Variants in THNSL2 observed in about 807,000 individuals in gnomAD.
THNSL2 encodes the protein threonine synthase-like 2.
A neutral mutation model predicts 40.0 loss-of-function variants in THNSL2; 34 were observed. The observed-to-expected ratio is 0.85, with a 90% CI of 0.65 to 1.13. The LOEUF is 1.13. THNSL2 is among the 50% of genes most tolerant of loss of function. THNSL2 has a pLI of 0.00. For synonymous variants in THNSL2, 241 were observed against 247.5 expected, an observed-to-expected ratio of 0.97 and a Z score of 0.25; for missense variants, 537 against 608.8, an observed-to-expected ratio of 0.88 and a Z score of 1.24.
rs775485495 is a variant in THNSL2 at position 88,173,133 on chromosome 2, C to T, written c.-12-6C>T. On this transcript the variant is annotated splice_polypyrimidine_tract_variant and splice_region_variant and intron_variant, in intron 1 of 8. Coordinates refer to ENST00000674334, the MANE Select transcript of THNSL2 (RefSeq NM_018271.5). ...CCAGGTGCTTCTGGGACTGTCCTCT[C>T]TGCAGGCCTCCAGGATCATGTGGTA... The T allele has an allele frequency of 2.9e-5, 44 of 1,512,300 alleles. No homozygotes were observed. The highest frequency in any genetic ancestry group is 3.7e-5 in the Non-Finnish European group (42 of 1,127,520). 93.7% of individuals were successfully genotyped at this position (1,512,300 alleles called of 1,614,324 possible).
chr2:88,182,863 G>A lies in THNSL2; in HGVS notation c.951+16G>A. ...GGACATTCAGGTAGGCCTGGGGGAG[G>A]TGTGCAGATCTGGCCCAGGTGTTGG... is the stretch of plus-strand genomic sequence containing the variant. On this transcript the variant is annotated intron_variant, in intron 6 of 8. Coordinates refer to ENST00000674334, the MANE Select transcript of THNSL2 (RefSeq NM_018271.5). The A allele has an allele frequency of 6.2e-7, 1 of 1,613,892 alleles. No homozygotes were observed.
rs948684709 is a variant in THNSL2 at position 88,173,305 on chromosome 2, C to G, written c.155C>G (p.Pro52Arg). 6 of 1,612,700 alleles carry G rather than the reference C, an allele frequency of 3.7e-6. No individual in the cohort carries two copies. The highest frequency in any genetic ancestry group is 5.1e-6 in the Non-Finnish European group (6 of 1,179,934). ...TLCQWSTLSY[P>R]GLVKELCALF... is the part of the protein sequence containing the mutation. ...TGCCAGTGGAGCACACTCTCCTATC[C>G]TGGCCTGGTGAAGGAGCTGTGTGCC... Residue 52 changes from proline to arginine, a missense_variant, in exon 2 of 9, where the codon CCT becomes CGT. By Grantham distance (103) the Pro-to-Arg change is moderately radical. Coordinates refer to ENST00000674334, the MANE Select transcript of THNSL2 (RefSeq NM_018271.5).
Position 88,184,781 on chromosome 2 carries a change from GA to G in THNSL2, c.1078-539del, listed in dbSNP as rs70958945. 2.7e-3 allele frequency among the ~76,000 whole-genome samples: 411 copies of G among 151,562 alleles called. 1 individual carries two copies. The highest frequency in any genetic ancestry group is 9.6e-3 in the African/African-American group (398 of 41,260). On this transcript the variant is annotated intron_variant, in intron 7 of 8. Coordinates refer to ENST00000674334, the MANE Select transcript of THNSL2 (RefSeq NM_018271.5). ...AGACTCTGTCTCAAAAAAAAGAAAA[GA>G]AAAAAAATCTGTGATACTCTATGAT... is the stretch of plus-strand genomic sequence containing the variant.
At chr2:88,171,001 C>T (rs900779061) in intron 1 of THNSL2, among the ~76,000 whole-genome samples, 5 of 152,154 alleles carry the variant, frequency 3.3e-5, no homozygotes, top group Non-Finnish European at 7.3e-5. Context: ...CAGAGTTTTT[C>T]TGACCTTCTC....
chr2:88,181,112 CT>C (rs1677507966), intron 5 of THNSL2, among the ~76,000 whole-genome samples: 1 of 236 alleles, frequency 4.2e-3, no homozygotes. Context: ...CCTCTCTCTC[CT>C]CTCTCTCTCC....
In THNSL2 at chr2:88,186,045, C is replaced by T. The variant is rs756295869; in HGVS notation, c.1377C>T (p.Asn459=). ...TRCTLMRRGD[N]WMLMLRDTIE... ...GCACCCTGATGCGGAGAGGTGACAA[C>T]TGGATGCTGATGCTTCGGGACACCA... Residue 459 remains asparagine, a synonymous_variant, in exon 9 of 9, where the codon AAC becomes AAT. Coordinates refer to ENST00000674334, the MANE Select transcript of THNSL2 (RefSeq NM_018271.5). 13 of 1,596,986 alleles carry T rather than the reference C, an allele frequency of 8.1e-6. No homozygotes were observed. In the South Asian group the frequency reaches 1.5e-4, roughly 18 times the overall value.
intron 8 of THNSL2, 190 bp downstream of exon 8, chr2:88,185,669 C>T: frequency 1.3e-6 from 2 of 1,551,564 alleles, no homozygotes; most frequent in Non-Finnish European, 8.7e-7. Context: ...CCAGGGACAG[C>T]CATGGTCAGA....
chr2:88,180,769 A>G lies in THNSL2; in HGVS notation c.802+1756A>G, dbSNP rs1677455446. Among the ~76,000 whole-genome samples, 3 of 152,150 alleles carry G rather than the reference A, an allele frequency of 2.0e-5. No homozygotes were observed. In the South Asian group the frequency reaches 6.2e-4, roughly 32 times the overall value. ...CCTTGCTTGTTCCATGCAAACAAGA[A>G]CTGCTGTTGGGGTGGACTGAGGTTA... On this transcript the variant is annotated intron_variant, in intron 5 of 8. Coordinates refer to ENST00000674334, the MANE Select transcript of THNSL2 (RefSeq NM_018271.5).
Position 88,174,797 on chromosome 2 carries a change from C to G in THNSL2, c.382C>G (p.Leu128Val), listed in dbSNP as rs1485497898. 5.6e-6 allele frequency: 9 copies of G among 1,614,018 alleles called. No homozygotes were observed. The highest frequency in any genetic ancestry group is 7.6e-6 in the Non-Finnish European group (9 of 1,179,992). Residue 128 changes from leucine (L) to valine (V), a missense_variant, in exon 3 of 9, where the codon CTG becomes GTG. Leu to Val is a conservative substitution (Grantham distance 32, BLOSUM62 1). Transcript: ENST00000674334. ...SCTTQFLQYF[L>V]EKREKHVTVV... ...CACAACACAGTTCCTGCAGTACTTC[C>G]TGGAGAAGAGGGAGAAGCACGTCAC...
chr2:88,182,639 C>A (rs764969947), intron 5 of THNSL2, 60 bp from the exon 6 acceptor site: 25 of 1,459,090 alleles, frequency 1.7e-5, no homozygotes, highest in Non-Finnish European at 2.3e-5. Flanking sequence ...GCCCAATTTA[C>A]TTTTTTCTTT....
intron 2 of THNSL2, among the ~76,000 whole-genome samples, 158 bp downstream of exon 2, chr2:88,173,531 A>G (rs1391550720): frequency 6.6e-6 from 1 of 152,164 alleles, no homozygotes; most frequent in African/African-American, 2.4e-5. Flanking sequence ...AGAATTGAAA[A>G]TATTCTGAAA....
chr2:88,186,017 G>A lies in THNSL2; in HGVS notation c.1349G>A (p.Arg450His), dbSNP rs548433501. ...EIVALEHKET[R>H]CTLMRRGDNW... is the part of the protein sequence containing the mutation. ...GTAGCCCTGGAGCACAAGGAGACAC[G>A]CTGCACCCTGATGCGGAGAGGTGAC... Residue 450 changes from arginine to histidine, a missense_variant, in exon 9 of 9, where the codon CGC becomes CAC. Coordinates refer to ENST00000674334, the MANE Select transcript of THNSL2 (RefSeq NM_018271.5). 72 of 1,609,104 alleles carry A rather than the reference G, an allele frequency of 4.5e-5. No individual in the cohort carries two copies. Among genetic ancestry groups the A allele is most frequent in the Non-Finnish European group, 5.7e-5 (67 of 1,177,978 alleles).
intron 5 of THNSL2, among the ~76,000 whole-genome samples, chr2:88,180,529 G>T (rs2104224820): frequency 6.6e-6 from 1 of 151,594 alleles, no homozygotes; most frequent in Non-Finnish European, 1.5e-5. Context: ...CTGAGATTGT[G>T]CCATTGCACT....
chr2:88,181,114 CTCTCTCTCCT>C (rs1677511466), intron 5 of THNSL2, among the ~76,000 whole-genome samples: 1 of 730 alleles, frequency 1.4e-3, no homozygotes. Context: ...TCTCTCTCCT[CTCTCTCTCCT>C]CTCTCTCCTC....
chr2:88,172,375 G>A (rs56052430), intron 1 of THNSL2: 1 of 152,022 alleles, frequency 6.6e-6, no homozygotes, highest in Non-Finnish European at 1.5e-5. Flanking sequence ...CACTTATAAC[G>A]GTCCTAGGAT....
In THNSL2 at chr2:88,186,502, T is replaced by C; in HGVS notation, c.*379T>C. ...TCACCACCTTCACGCAGGCTTTGTA[T>C]GTTCTCTGAGCCTTAGTTGATTTTG... On this transcript the variant is annotated 3_prime_UTR_variant, in exon 9 of 9. Transcript: ENST00000674334. 4.3e-6 allele frequency: 1 copy of C among 234,914 alleles called. No individual in the cohort carries two copies. Among genetic ancestry groups the C allele is most frequent in the Non-Finnish European group, 8.6e-6 (1 of 116,536 alleles). The allele number at this position is 234,914 out of a possible 1,614,324, so 14.6% of individuals were successfully genotyped here. A position where few individuals can be genotyped will look rare whatever the true frequency, so the allele number is the denominator to read the frequency against.
At position 88,185,762 on chromosome 2, in the gene THNSL2, G is replaced by A. The variant is rs369353188; in HGVS notation, c.1230-136G>A. 7 of 1,543,874 alleles carry A rather than the reference G, an allele frequency of 4.5e-6. No homozygotes were observed. The Admixed American group carries it at 7.9e-5, about 17-fold the overall frequency. On this transcript the variant is annotated intron_variant, in intron 8 of 8. Coordinates refer to ENST00000674334, the MANE Select transcript of THNSL2 (RefSeq NM_018271.5). ...TAGCAATAAGTTCAAGGTGCCAATT[G>A]TCTGTCTGTGTCTCTGTCCTCCATA...
intron 7 of THNSL2, chr2:88,183,293 C>G: frequency 1.9e-6 from 1 of 522,350 alleles, no homozygotes. Context: ...CAAGTGAGCT[C>G]TGAGACATTG....
chr2:88,171,990 A>G (rs1676425586), intron 1 of THNSL2: 1 of 152,358 alleles, frequency 6.6e-6, no homozygotes, highest in Non-Finnish European at 1.5e-5. Flanking sequence ...AGACTAGGAA[A>G]TGAGAATTCC....
Sources: allele counts gnomAD v4.1 joint callset (sites outside exome capture counted in the v4.1 genomes callset), GRCh38; gene constraint gnomAD v4.1.1; transcripts MANE v1.5; gene names NCBI Gene and HGNC (gene_info 2026-07-23, HGNC 2026-07-21).